Variants in PCCA observed in about 807,000 individuals in gnomAD.
PCCA encodes the protein propionyl-CoA carboxylase subunit alpha, also known as propionyl-CoA carboxylase alpha chain, mitochondrial.
PCCA carries 74 observed loss-of-function variants against 101.3 expected under a neutral mutation model. That is an observed-to-expected ratio of 0.73 (90% confidence interval 0.61 to 0.89). The LOEUF is 0.89. Ranked by LOEUF, PCCA falls within the 40% of genes least tolerant of loss-of-function variation. PCCA has a pLI of 0.00. For synonymous variants in PCCA, 294 were observed against 313.6 expected (o/e 0.94, Z 0.66); for missense variants, 891 against 907.0 (o/e 0.98, Z 0.23).
chr13:100,131,480 G>A (rs1238015313), intron 4 of PCCA, among the ~76,000 whole-genome samples: 1 of 152,170 alleles, frequency 6.6e-6, no homozygotes, highest in East Asian at 1.9e-4. Context: ...CATCTGGAGA[G>A]CTTGCAGTTT....
At chr13:100,457,848 C>G (rs1365142822) in intron 21 of PCCA, among the ~76,000 whole-genome samples, 2 of 152,142 alleles carry the variant, frequency 1.3e-5, no homozygotes, top group Non-Finnish European at 2.9e-5. Flanking sequence ...GCCCTCTAGT[C>G]CCTGCCATGC....
At chr13:100,129,148 T>C (rs2050246721) in intron 4 of PCCA, among the ~76,000 whole-genome samples, 1 of 152,226 alleles carries the variant, frequency 6.6e-6, no homozygotes, top group South Asian at 2.1e-4. Flanking sequence ...ACCATCATTC[T>C]TTCTTTCATT....
chr13:100,294,203 G>A (rs1006122442), intron 12 of PCCA, among the ~76,000 whole-genome samples: 2 of 152,076 alleles, frequency 1.3e-5, no homozygotes, highest in African/African-American at 4.8e-5. Flanking sequence ...TCTCTTATGA[G>A]GATACCAGTC....
intron 18 of PCCA, among the ~76,000 whole-genome samples, chr13:100,348,525 T>C (rs2072619883): frequency 6.6e-6 from 1 of 152,188 alleles, no homozygotes; most frequent in African/African-American, 2.4e-5. Flanking sequence ...CAACCACTTT[T>C]TTTAAAAGCT....
chr13:100,363,020 G>A (rs1010204873), intron 18 of PCCA, among the ~76,000 whole-genome samples: 3 of 152,092 alleles, frequency 2.0e-5, no homozygotes, highest in East Asian at 3.9e-4. Flanking sequence ...GTTTGGTTTG[G>A]CAGTAGACTT....
intron 16 of PCCA, among the ~76,000 whole-genome samples, chr13:100,328,909 G>A (rs1055218134): frequency 3.3e-5 from 5 of 150,652 alleles, no homozygotes; most frequent in Non-Finnish European, 7.4e-5. Context: ...GGCCAGGCTG[G>A]TCTCGAACTC....
At chr13:100,184,399 A>G (rs1179873878) in intron 6 of PCCA, among the ~76,000 whole-genome samples, 2 of 152,208 alleles carry the variant, frequency 1.3e-5, no homozygotes, top group East Asian at 3.8e-4. Context: ...AAAGTTTAAT[A>G]CCATAAATTC....
At chr13:100,257,445 T>C in intron 8 of PCCA, 150 bp from the exon 9 acceptor site, 1 of 694,112 alleles carries the variant, frequency 1.4e-6, no homozygotes. Flanking sequence ...GGTGTTACTT[T>C]CCTGGTGTTA....
chr13:100,422,151 T>C (rs1333845288), intron 19 of PCCA, among the ~76,000 whole-genome samples: 40 of 147,062 alleles, frequency 2.7e-4, no homozygotes, highest in African/African-American at 9.6e-4. Context: ...TTTTTTTTTT[T>C]TGACAGCATT....
intron 19 of PCCA, among the ~76,000 whole-genome samples, chr13:100,403,111 C>T (rs2077465158): frequency 6.6e-6 from 1 of 150,514 alleles, no homozygotes; most frequent in Admixed American, 6.6e-5. Context: ...GAAGTGAATA[C>T]AACTGTAGCA....
At chr13:100,303,452 C>T (rs2066218446) in intron 14 of PCCA, among the ~76,000 whole-genome samples, 1 of 151,948 alleles carries the variant, frequency 6.6e-6, no homozygotes, top group Admixed American at 6.6e-5. Flanking sequence ...TCTATTAAAC[C>T]TCATGGACTT....
At chr13:100,150,564 G>C in intron 4 of PCCA, 15 of 1,263,510 alleles carry the variant, frequency 1.2e-5, no homozygotes, top group African/African-American at 2.9e-5. Flanking sequence ...TGGAACTTAC[G>C]GCCGTTTCCA....
At chr13:100,366,380 A>AG (rs1490313048) in intron 18 of PCCA, among the ~76,000 whole-genome samples, 2 of 152,116 alleles carry the variant, frequency 1.3e-5, no homozygotes, top group Non-Finnish European at 2.9e-5. Flanking sequence ...CTTGGTGCAT[A>AG]GTAGACACTC....
At chr13:100,424,604 C>T (rs1227996915) in intron 19 of PCCA, among the ~76,000 whole-genome samples, 1 of 152,190 alleles carries the variant, frequency 6.6e-6, no homozygotes, top group Non-Finnish European at 1.5e-5. Context: ...AGACCTCTTG[C>T]CTGGATATTT....
intron 12 of PCCA, among the ~76,000 whole-genome samples, chr13:100,283,018 G>A (rs1030210794): frequency 1.2e-4 from 18 of 151,926 alleles, no homozygotes; most frequent in Non-Finnish European, 2.6e-4. Context: ...GCCCAACCCG[G>A]GTACATGTCC....
chr13:100,343,663 G>T (rs2071731096), intron 18 of PCCA, among the ~76,000 whole-genome samples: 2 of 152,360 alleles, frequency 1.3e-5, no homozygotes, highest in African/African-American at 2.4e-5. Context: ...TCTAAAACTG[G>T]ATTGGGGTGA....
intron 10 of PCCA, among the ~76,000 whole-genome samples, chr13:100,264,110 CGGTATCTGTATATCGTATATATAT>C (rs1245184676): frequency 0.13 from 13,094 of 101,038 alleles, 2,405 homozygotes; most frequent in Middle Eastern, 0.18. Context: ...CGTATATATA[CGGTATCTGTATATCGTATATATAT>C]GGTATCTGTA....
chr13:100,105,285 C>T (rs1400283305), intron 2 of PCCA, among the ~76,000 whole-genome samples: 1 of 152,064 alleles, frequency 6.6e-6, no homozygotes, highest in Non-Finnish European at 1.5e-5. Flanking sequence ...TTATGATAAA[C>T]TCCCTGTTAT....
rs138943507 is a variant in PCCA, at chr13:100,270,539, A to G, written c.914+1756A>G. 1.3e-3 allele frequency among the ~76,000 whole-genome samples: 191 copies of G among 152,310 alleles called. 1 individual carries two copies. The highest frequency in any genetic ancestry group is 4.4e-3 in the African/African-American group (182 of 41,586). On this transcript the variant is annotated intron_variant, in intron 11 of 23. Transcript: ENST00000376285. The stretch of plus-strand genomic sequence containing the variant: ...ATGTGTTTGTTTTTTCTCTTTGTCT[A>G]GAAATACAAACTTTTCATAATGAAT...
Sources: allele counts gnomAD v4.1 joint callset (sites outside exome capture counted in the v4.1 genomes callset), GRCh38; gene constraint gnomAD v4.1.1; transcripts MANE v1.5; gene names NCBI Gene and HGNC (gene_info 2026-07-23, HGNC 2026-07-21).